Variants in MYPN observed in about 807,000 individuals in gnomAD.
MYPN encodes myopalladin, also known as sarcomeric protein myopalladin, 145 kDa (MYOP).
In MYPN, 63 loss-of-function variants were observed where a neutral mutation model predicts 129.4. The observed-to-expected ratio is 0.49, with a 90% CI of 0.40 to 0.60. The LOEUF (loss-of-function observed/expected upper bound fraction) is 0.60. Among genes scored for constraint, MYPN ranks in the 20% least tolerant of loss-of-function variants. The pLI is 0.00. For synonymous variants in MYPN, 629 were observed against 600.9 expected (o/e 1.05, Z -0.68); for missense variants, 1,596 against 1,635.4 (o/e 0.98, Z 0.42).
rs1325384225 is a variant in MYPN, at chr10:68,211,459, G to A, written c.*1004G>A. ...CCCCAGCAGAGCAGGGGTTTTGGAA[G>A]GAGAGGTCTTTAATAGCTTTGAAAT... On this transcript the variant is annotated 3_prime_UTR_variant, in exon 20 of 20. Transcript: ENST00000358913. The A allele has an allele frequency of 1.1e-5, 5 of 454,092 alleles. No individual in the cohort carries two copies. The highest frequency in any genetic ancestry group is 6.2e-5 in the South Asian group (4 of 64,472). The allele number at this position is 454,092 out of a possible 1,614,324, so 28.1% of individuals were successfully genotyped here. A position where few individuals can be genotyped will look rare whatever the true frequency, so the allele number is the denominator to read the frequency against.
At chr10:68,129,325 T>G (rs1434972843) in intron 2 of MYPN, among the ~76,000 whole-genome samples, 1 of 152,250 alleles carries the variant, frequency 6.6e-6, no homozygotes. Flanking sequence ...TATTAGTAAC[T>G]TTTACATGTT....
chr10:68,135,915 G>A (rs1220319799), intron 2 of MYPN, among the ~76,000 whole-genome samples: 1 of 152,116 alleles, frequency 6.6e-6, no homozygotes. Flanking sequence ...AAAAGAACAG[G>A]GTGTTAGGAG....
At chr10:68,090,048 G>A (rs1325318015) in intron 1 of MYPN, among the ~76,000 whole-genome samples, 1 of 152,064 alleles carries the variant, frequency 6.6e-6, no homozygotes, top group African/African-American at 2.4e-5. Flanking sequence ...TTAGTAAATA[G>A]GCATATTTTC....
intron 2 of MYPN, 44 bp downstream of exon 2, chr10:68,122,384 T>A (rs2133997144): frequency 6.3e-7 from 1 of 1,594,472 alleles, no homozygotes; most frequent in East Asian, 2.2e-5. Context: ...TTGCTTTCCA[T>A]CTACCATGAC....
chr10:68,177,659 A>G (rs929468176), intron 12 of MYPN, among the ~76,000 whole-genome samples: 1 of 152,216 alleles, frequency 6.6e-6, no homozygotes, highest in Non-Finnish European at 1.5e-5. Flanking sequence ...AGCTTAGGAA[A>G]GTGTAAAAAC....
chr10:68,180,090 C>G (rs1183720385), intron 12 of MYPN, among the ~76,000 whole-genome samples: 1 of 152,156 alleles, frequency 6.6e-6, no homozygotes, highest in Admixed American at 6.6e-5. Context: ...TAGGTACTTA[C>G]TAAGAATTTG....
At chr10:68,149,910 A>G in intron 5 of MYPN, 130 bp from the exon 6 acceptor site, 2 of 799,426 alleles carry the variant, frequency 2.5e-6, no homozygotes, top group Admixed American at 3.9e-5. Context: ...TGTGATTCAT[A>G]AACTTAGAAT....
chr10:68,102,391 G>A (rs116311050), upstream of MYPN, among the ~76,000 whole-genome samples: 3,503 of 152,144 alleles, frequency 0.023, 138 homozygotes, highest in African/African-American at 0.08. Context: ...GCTTCCCAAA[G>A]TGCTGGGATT....
chr10:68,195,502 G>A lies in MYPN; in HGVS notation c.3128G>A (p.Ser1043Asn), dbSNP rs758640272. The change falls in exon 15 of 20, where the codon AGT (serine) becomes AAT (asparagine). Residue 1043 changes from serine (S) to asparagine (N), a missense_variant. By Grantham distance (46) the Ser-to-Asn change is conservative. Coordinates refer to ENST00000358913, the MANE Select transcript of MYPN (RefSeq NM_032578.4). ...ATGGTACAAAGTTTGCCCATTCGCAGTCGGCTAACCTCTGCTGGTCAGTCT... is the reference window on the plus strand; with the variant it reads ...ATGGTACAAAGTTTGCCCATTCGCAATCGGCTAACCTCTGCTGGTCAGTCT... ...HLMVQSLPIRSRLTSAGQSHR... is the reference protein window; with the variant it reads ...HLMVQSLPIRNRLTSAGQSHR... The A allele has an allele frequency of 1.2e-6, 2 of 1,614,072 alleles. No homozygotes were observed. The highest frequency in any genetic ancestry group is 1.3e-5 in the African/African-American group (1 of 75,030).
At chr10:68,204,137 A>G (rs1003600549) in intron 18 of MYPN, among the ~76,000 whole-genome samples, 2 of 152,134 alleles carry the variant, frequency 1.3e-5, no homozygotes, top group African/African-American at 2.4e-5. Flanking sequence ...CGTAGTCACA[A>G]TTGTTAGTAC....
intron 4 of MYPN, among the ~76,000 whole-genome samples, chr10:68,146,263 A>G (rs2042665358): frequency 6.6e-6 from 1 of 151,526 alleles, no homozygotes; most frequent in Non-Finnish European, 1.5e-5. Flanking sequence ...GTTCCTCTTC[A>G]CTCCTTTGTT....
At chr10:68,149,875 T>C (rs1190482911) in intron 5 of MYPN, among the ~76,000 whole-genome samples, 165 bp from the exon 6 acceptor site, 1 of 151,984 alleles carries the variant, frequency 6.6e-6, no homozygotes, top group African/African-American at 2.4e-5. Context: ...AGAAATAGAG[T>C]CAATTCAGTC....
chr10:68,191,690 T>C (rs990008286), intron 13 of MYPN, among the ~76,000 whole-genome samples: 13 of 152,200 alleles, frequency 8.5e-5, no homozygotes, highest in African/African-American at 3.1e-4. Context: ...CTTTCAGTGT[T>C]TTATAGTTTT....
chr10:68,104,628 T>G (rs7089347), upstream of MYPN, among the ~76,000 whole-genome samples: 1,531 of 152,330 alleles, frequency 0.01, 40 homozygotes, highest in African/African-American at 0.035. Context: ...TGCAAGCATT[T>G]GCTTTTTTCT....
At chr10:68,205,242 G>A (rs779542856) in intron 18 of MYPN, among the ~76,000 whole-genome samples, 5 of 152,102 alleles carry the variant, frequency 3.3e-5, no homozygotes, top group African/African-American at 4.8e-5. Context: ...TGGCTTCCCA[G>A]AATAACCTTT....
intron 2 of MYPN, among the ~76,000 whole-genome samples, chr10:68,138,424 C>T (rs1589545229): frequency 6.6e-6 from 1 of 150,402 alleles, no homozygotes; most frequent in African/African-American, 2.4e-5. Context: ...TTGTTTCTTT[C>T]TTTCTTTTTT....
chr10:68,211,535 TA>T lies in MYPN; in HGVS notation c.*1081del, dbSNP rs1444701580. The T allele has an allele frequency of 2.2e-6, 1 of 453,980 alleles. No homozygotes were observed. The highest frequency in any genetic ancestry group is 2.4e-5 in the Admixed American group (1 of 42,546). 28.1% of individuals were successfully genotyped at this position (453,980 alleles called of 1,614,324 possible). ...ATTTTCTATGTAGAGAATATTCTGCTAGGTGGAAAAGTTGGGAGAAAGGGGA... is the reference window on the plus strand; with the variant it reads ...ATTTTCTATGTAGAGAATATTCTGCTGGTGGAAAAGTTGGGAGAAAGGGGA... On this transcript the variant is annotated 3_prime_UTR_variant, in exon 20 of 20. Transcript: ENST00000358913.
At chr10:68,097,511 G>A (rs544675387) in intron 1 of MYPN, among the ~76,000 whole-genome samples, 1 of 152,110 alleles carries the variant, frequency 6.6e-6, no homozygotes, top group Non-Finnish European at 1.5e-5. Context: ...TGATAATAGT[G>A]GTGGTTTACA....
chr10:68,208,488 A>G (rs1045998649), intron 19 of MYPN, among the ~76,000 whole-genome samples: 1 of 152,222 alleles, frequency 6.6e-6, no homozygotes, highest in African/African-American at 2.4e-5. Flanking sequence ...GAAAGAGGCC[A>G]GTAGTGATAT....
Sources: allele counts gnomAD v4.1 joint callset (sites outside exome capture counted in the v4.1 genomes callset), GRCh38; gene constraint gnomAD v4.1.1; transcripts MANE v1.5; gene names NCBI Gene and HGNC (gene_info 2026-07-23, HGNC 2026-07-21).